The following KPNA6 variants were observed in gnomAD, a reference collection of about 807,000 sequenced individuals.
KPNA6 encodes the protein importin subunit alpha-7.
KPNA6 carries 9 observed loss-of-function variants against 72.0 expected under a neutral mutation model. The ratio of observed to expected loss-of-function variants is 0.13; its 90% CI spans 0.08 to 0.22. The LOEUF (loss-of-function observed/expected upper bound fraction) is 0.22. Ranked by LOEUF, KPNA6 falls within the 10% of genes least tolerant of loss-of-function variation. The probability of loss-of-function intolerance (pLI) is 1.00; values close to 1 mark genes in which losing one functional copy is unlikely to be tolerated. For missense variants in KPNA6, 374 were observed against 655.7 expected (o/e 0.57, Z 4.69); for synonymous variants, 219 against 242.1 (o/e 0.90, Z 0.89).
At chr1:32,129,977 G>C (rs1641607995) in intron 1 of KPNA6, among the ~76,000 whole-genome samples, 1 of 152,066 alleles carries the variant, frequency 6.6e-6, no homozygotes, top group South Asian at 2.1e-4. Flanking sequence ...GAAATACCTG[G>C]TTTAATCTCT....
At chr1:32,118,958 G>C (rs1481522358) in intron 1 of KPNA6, among the ~76,000 whole-genome samples, 1 of 138,424 alleles carries the variant, frequency 7.2e-6, no homozygotes, top group Admixed American at 7.5e-5. Flanking sequence ...CTTTCTATGT[G>C]TCAAGCCATA....
In KPNA6 at chr1:32,174,021, T is replaced by A. The variant is rs922463302; in HGVS notation, c.*3127T>A. On this transcript the variant is annotated 3_prime_UTR_variant, in exon 14 of 14. Coordinates refer to ENST00000373625, the MANE Select transcript of KPNA6 (RefSeq NM_012316.5). Reference sequence around the variant, plus strand: ...TCATCTTTAGTACTAACAGGGTGTCTGGTCTTAGAAGCCTCCCTTCAGATC... The same window carrying A: ...TCATCTTTAGTACTAACAGGGTGTCAGGTCTTAGAAGCCTCCCTTCAGATC... 4.6e-5 allele frequency: 7 copies of A among 152,320 alleles called. No individual in the cohort carries two copies. Among genetic ancestry groups the A allele is most frequent in the Admixed American group, 2.0e-4 (3 of 15,282 alleles). 9.4% of individuals were successfully genotyped at this position (152,320 alleles called of 1,614,324 possible). A position where few individuals can be genotyped will look rare whatever the true frequency, so the allele number is the denominator to read the frequency against.
In KPNA6 at chr1:32,108,076, C is replaced by T. The variant is rs370381233; in HGVS notation, c.-55C>T. On this transcript the variant is annotated 5_prime_UTR_variant, in exon 1 of 14. Transcript: ENST00000373625. ...CCGCCATATTGTCTACTGAAAGCTG[C>T]CGCTGAAGCTGCCGCCGTTGCCTCC... 8.1e-6 allele frequency: 13 copies of T among 1,613,346 alleles called. No individual in the cohort carries two copies. In the African/African-American group the frequency reaches 9.3e-5, roughly 12 times the overall value.
intron 1 of KPNA6, among the ~76,000 whole-genome samples, chr1:32,117,046 A>G (rs1167423144): frequency 6.6e-6 from 1 of 152,214 alleles, no homozygotes; most frequent in Non-Finnish European, 1.5e-5. Context: ...CAGATAAAAC[A>G]AAAAACAAAA....
Position 32,171,245 on chromosome 1 carries a change from C to A in KPNA6, c.*351C>A, listed in dbSNP as rs559427177. On this transcript the variant is annotated 3_prime_UTR_variant, in exon 14 of 14. Coordinates refer to ENST00000373625, the MANE Select transcript of KPNA6 (RefSeq NM_012316.5). ...ACCTTTTTTTATTTTTATTTTTTTT[C>A]TTTTTTTCTTCAGTGGTGACTTCCT... 5.0e-6 allele frequency: 1 copy of A among 198,838 alleles called. No individual in the cohort carries two copies. The allele number at this position is 198,838 out of a possible 1,614,324, so 12.3% of individuals were successfully genotyped here.
At chr1:32,119,005 T>TAC (rs1641377414) in intron 1 of KPNA6, among the ~76,000 whole-genome samples, 2 of 61,706 alleles carry the variant, frequency 3.2e-5, no homozygotes, top group Non-Finnish European at 5.9e-5. Flanking sequence ...TACATATATA[T>TAC]ATATATATAT....
intron 5 of KPNA6, 88 bp from the exon 6 acceptor site, chr1:32,159,312 G>A (rs1234284172): frequency 1.4e-5 from 20 of 1,383,336 alleles, no homozygotes; most frequent in Middle Eastern, 1.9e-4. Context: ...AAATTCATGG[G>A]CAGGAGGCTT....
intron 1 of KPNA6, among the ~76,000 whole-genome samples, chr1:32,147,868 C>T (rs1022176104): frequency 1.3e-5 from 2 of 151,786 alleles, no homozygotes; most frequent in Non-Finnish European, 1.5e-5. Context: ...CCATGTTGCC[C>T]AGGCTGTTCT....
intron 1 of KPNA6, among the ~76,000 whole-genome samples, chr1:32,119,696 C>T (rs1056409822): frequency 9.2e-5 from 14 of 151,618 alleles, no homozygotes; most frequent in South Asian, 4.2e-4. Context: ...TTGTTGATTT[C>T]GCATCCTTTC....
chr1:32,157,450 A>G lies in KPNA6; in HGVS notation c.331+5A>G, dbSNP rs769130095. On this transcript the variant is annotated splice_donor_5th_base_variant and intron_variant, in intron 4 of 13. Coordinates refer to ENST00000373625, the MANE Select transcript of KPNA6 (RefSeq NM_012316.5). The stretch of plus-strand genomic sequence containing the variant: ...TCCGGAAACTGCTCTCCAAAGGTAC[A>G]AAGCCTGGCCCTTGTCAGAGAGGCC... The G allele has an allele frequency of 1.6e-5, 26 of 1,607,156 alleles. No homozygotes were observed. In the African/African-American group the frequency reaches 3.1e-4, roughly 19 times the overall value.
chr1:32,140,588 A>G (rs1641819655), intron 1 of KPNA6, among the ~76,000 whole-genome samples: 1 of 152,220 alleles, frequency 6.6e-6, no homozygotes, highest in South Asian at 2.1e-4. Context: ...TACTATATCA[A>G]ACTTTTAGTG....
chr1:32,146,423 T>G (rs1641930464), intron 1 of KPNA6, among the ~76,000 whole-genome samples: 1 of 152,236 alleles, frequency 6.6e-6, no homozygotes, highest in Non-Finnish European at 1.5e-5. Flanking sequence ...CCAGCTCTCT[T>G]TATTCCCTTC....
At chr1:32,118,622 CCT>C (rs1033069519) in intron 1 of KPNA6, among the ~76,000 whole-genome samples, 4 of 151,566 alleles carry the variant, frequency 2.6e-5, no homozygotes, top group Admixed American at 6.6e-5. Flanking sequence ...TGGCAAAACC[CCT>C]GTCTCTACAA....
rs1465119644 is a variant in KPNA6, at chr1:32,175,553, G to A, written c.*4659G>A. The A allele has an allele frequency of 6.6e-6, 1 of 152,194 alleles. No homozygotes were observed. Among genetic ancestry groups the A allele is most frequent in the Non-Finnish European group, 1.5e-5 (1 of 68,120 alleles). 9.4% of individuals were successfully genotyped at this position (152,194 alleles called of 1,614,324 possible). On this transcript the variant is annotated 3_prime_UTR_variant, in exon 14 of 14. Coordinates refer to ENST00000373625, the MANE Select transcript of KPNA6 (RefSeq NM_012316.5). ...TAATCCCAGCACTTTGGGAGGCCGA[G>A]GCGGGTGGATCACGAGGTCAGGAGT...
At chr1:32,141,370 T>G (rs77464032) in intron 1 of KPNA6, among the ~76,000 whole-genome samples, 15,943 of 137,014 alleles carry the variant, frequency 0.12, 1,479 homozygotes, top group South Asian at 0.25. Context: ...TTTTTTAAGT[T>G]AATCCTTTTT....
At position 32,162,277 on chromosome 1, in the gene KPNA6, G is replaced by A. The variant is rs2124079608; in HGVS notation, c.748-84G>A. The A allele has an allele frequency of 3.2e-6, 4 of 1,267,912 alleles. No homozygotes were observed. The East Asian group carries it at 7.0e-5, about 22-fold the overall frequency. 78.5% of individuals were successfully genotyped at this position (1,267,912 alleles called of 1,614,324 possible). A position where few individuals can be genotyped will look rare whatever the true frequency, so the allele number is the denominator to read the frequency against. On this transcript the variant is annotated intron_variant, in intron 8 of 13. Coordinates refer to ENST00000373625, the MANE Select transcript of KPNA6 (RefSeq NM_012316.5). ...ATTACTTGTGTGTGTGTATTGTGGG[G>A]GCGGTGGTTGCAATGTTAGGGTTCG...
At chr1:32,108,424 C>T (rs1012619843) in intron 1 of KPNA6, among the ~76,000 whole-genome samples, 1 of 152,250 alleles carries the variant, frequency 6.6e-6, no homozygotes, top group Non-Finnish European at 1.5e-5. Flanking sequence ...AGAAAGGGGC[C>T]TACTCTCTGT....
At chr1:32,152,410 T>G (rs1412374688) in intron 1 of KPNA6, among the ~76,000 whole-genome samples, 1 of 152,188 alleles carries the variant, frequency 6.6e-6, no homozygotes, top group Non-Finnish European at 1.5e-5. Context: ...GCACAATAAT[T>G]TAAGAATACA....
intron 1 of KPNA6, among the ~76,000 whole-genome samples, chr1:32,119,031 TA>T (rs1197017417): frequency 0.014 from 920 of 64,576 alleles, 7 homozygotes; most frequent in Non-Finnish European, 0.016. Context: ...TATATATATA[TA>T]TTTTTTTTTT....
Sources: gnomAD v4.1 joint callset for allele counts (sites outside exome capture counted in the v4.1 genomes callset) on GRCh38, gnomAD v4.1.1 for gene constraint, MANE v1.5 for transcripts, NCBI Gene and HGNC (gene_info 2026-07-23, HGNC 2026-07-21) for gene names.